PLPPR5: variants seen among roughly 807,000 people sequenced by gnomAD.
The protein encoded by PLPPR5 is phospholipid phosphatase-related protein type 5.
Under a neutral mutation model 33.9 loss-of-function variants are expected in PLPPR5, and 16 were observed. That is an observed-to-expected ratio of 0.47 (90% CI 0.32 to 0.72). The LOEUF (loss-of-function observed/expected upper bound fraction) is 0.72. Ranked by LOEUF, PLPPR5 falls within the 30% of genes least tolerant of loss-of-function variation. The pLI is 0.03. For synonymous variants in PLPPR5, 163 were observed against 150.3 expected (o/e 1.08, Z -0.62); for missense variants, 301 against 406.7 (o/e 0.74, Z 2.23).
At chr1:98,954,822 A>C (rs1343624172) in intron 2 of PLPPR5, among the ~76,000 whole-genome samples, 1 of 152,122 alleles carries the variant, frequency 6.6e-6, no homozygotes, top group Non-Finnish European at 1.5e-5. Flanking sequence ...CTGGCCAAGC[A>C]TGGGAACCTA....
chr1:99,004,246 G>C, intron 1 of PLPPR5, 189 bp downstream of exon 1: 1 of 580,908 alleles, frequency 1.7e-6, no homozygotes, highest in South Asian at 2.2e-5. Flanking sequence ...CGTGTGGGAA[G>C]AGCTGGGGGC....
chr1:98,933,482 CAA>C (rs66504258), intron 3 of PLPPR5, among the ~76,000 whole-genome samples: 17 of 89,296 alleles, frequency 1.9e-4, no homozygotes, highest in Admixed American at 5.1e-4. Context: ...GACTCCGTCT[CAA>C]AAAAAAAAAA....
rs1557669964 is a variant in PLPPR5, at chr1:98,922,011, C to T, written c.669G>A (p.Lys223=). ...TIKAKGTRLA[K]PVLCLGLMCL... Reference sequence around the variant, plus strand: ...ACATTAAGCCCAAGCATAGAACTGGCTTAGCAAGTCTGGTTCCCTTGGCTT... The same window carrying T: ...ACATTAAGCCCAAGCATAGAACTGGTTTAGCAAGTCTGGTTCCCTTGGCTT... The change falls in exon 4 of 6, where the codon AAG becomes AAA. Residue 223 remains lysine, a synonymous_variant. Transcript: ENST00000263177. 3 of 1,613,702 alleles carry T rather than the reference C, an allele frequency of 1.9e-6. No individual in the cohort carries two copies. The highest frequency in any genetic ancestry group is 2.5e-6 in the Non-Finnish European group (3 of 1,179,954).
At chr1:98,984,902 G>GA (rs771901585) in intron 1 of PLPPR5, among the ~76,000 whole-genome samples, 56 of 151,350 alleles carry the variant, frequency 3.7e-4, no homozygotes, top group Non-Finnish European at 7.1e-4. Context: ...AAGCTAAGTT[G>GA]AAAAAAAACT....
chr1:98,910,488 T>A (rs1329137446), intron 5 of PLPPR5, among the ~76,000 whole-genome samples: 1 of 152,214 alleles, frequency 6.6e-6, no homozygotes, highest in Non-Finnish European at 1.5e-5. Flanking sequence ...TATGGCATAT[T>A]TCTGGTCATA....
intron 1 of PLPPR5, among the ~76,000 whole-genome samples, chr1:99,001,849 T>G (rs1652863241): frequency 6.6e-6 from 1 of 151,608 alleles, no homozygotes; most frequent in African/African-American, 2.4e-5. Context: ...GGGAGAATTC[T>G]GGGTGTAACA....
At chr1:98,901,913 A>C (rs1648707683) in intron 5 of PLPPR5, among the ~76,000 whole-genome samples, 1 of 152,072 alleles carries the variant, frequency 6.6e-6, no homozygotes, top group Non-Finnish European at 1.5e-5. Flanking sequence ...TGGTTAGAGA[A>C]TTTATATGGA....
intron 1 of PLPPR5, among the ~76,000 whole-genome samples, chr1:98,995,659 C>A (rs1312823099): frequency 6.6e-6 from 1 of 152,014 alleles, no homozygotes; most frequent in African/African-American, 2.4e-5. Context: ...CTTGGGGACC[C>A]AGAATCCCAC....
At chr1:98,921,049 A>T (rs1649535236) in intron 4 of PLPPR5, among the ~76,000 whole-genome samples, 1 of 152,192 alleles carries the variant, frequency 6.6e-6, no homozygotes, top group Non-Finnish European at 1.5e-5. Flanking sequence ...AAACATCAGT[A>T]AGTATTTGGT....
At chr1:98,914,544 C>G (rs892339230) in intron 5 of PLPPR5, among the ~76,000 whole-genome samples, 5 of 152,104 alleles carry the variant, frequency 3.3e-5, no homozygotes, top group African/African-American at 4.8e-5. Context: ...GCCTTGGCCT[C>G]CCAAAGAGCT....
At chr1:98,970,995 A>T (rs886986962) in intron 1 of PLPPR5, among the ~76,000 whole-genome samples, 3 of 152,134 alleles carry the variant, frequency 2.0e-5, no homozygotes, top group African/African-American at 7.2e-5. Flanking sequence ...AGCGTAAAAA[A>T]TGCTTGATAA....
intron 1 of PLPPR5, among the ~76,000 whole-genome samples, chr1:98,986,036 G>C (rs1202659436): frequency 6.6e-6 from 1 of 151,958 alleles, no homozygotes; most frequent in African/African-American, 2.4e-5. Context: ...TTTGGAGAAT[G>C]TTAATGGGAT....
chr1:98,990,090 A>G (rs1349317585), intron 1 of PLPPR5, among the ~76,000 whole-genome samples: 6 of 152,192 alleles, frequency 3.9e-5, no homozygotes, highest in African/African-American at 1.4e-4. Flanking sequence ...TGATAAAGAA[A>G]GAGCAGGCCA....
intron 5 of PLPPR5, among the ~76,000 whole-genome samples, chr1:98,903,933 T>A (rs540049558): frequency 2.6e-5 from 4 of 152,316 alleles, no homozygotes; most frequent in African/African-American, 9.6e-5. Flanking sequence ...TGTAATCTTA[T>A]AAAATCTACA....
At chr1:98,910,640 G>A (rs762026199) in intron 5 of PLPPR5, among the ~76,000 whole-genome samples, 16 of 152,118 alleles carry the variant, frequency 1.1e-4, no homozygotes, top group Non-Finnish European at 2.2e-4. Context: ...GTTCAGGGTA[G>A]CAGATGGCCA....
rs1216016938 is a variant in PLPPR5 at position 98,891,005 on chromosome 1, A to G, written c.*2067T>C. 1 of 152,156 alleles carries G rather than the reference A, an allele frequency of 6.6e-6. No individual in the cohort carries two copies. The highest frequency in any genetic ancestry group is 6.6e-5 in the Admixed American group (1 of 15,256). The allele number at this position is 152,156 out of a possible 1,614,324, so 9.4% of individuals were successfully genotyped here. ...TGCTTGGAAGTCTGATGTAGAATCA[A>G]TAGAACTGATAGAAGTCTGGAAGCC... On this transcript the variant is annotated 3_prime_UTR_variant, in exon 6 of 6. Coordinates refer to ENST00000263177, the MANE Select transcript of PLPPR5 (RefSeq NM_001037317.2).
intron 3 of PLPPR5, among the ~76,000 whole-genome samples, chr1:98,931,088 T>C (rs74108789): frequency 0.019 from 2,934 of 152,294 alleles, 113 homozygotes; most frequent in African/African-American, 0.068. Flanking sequence ...ATCCTCAGCC[T>C]TAGTCTCAGC....
intron 5 of PLPPR5, among the ~76,000 whole-genome samples, chr1:98,898,225 G>A (rs995234526): frequency 6.6e-6 from 1 of 152,104 alleles, no homozygotes; most frequent in African/African-American, 2.4e-5. Flanking sequence ...GATGCTGCTT[G>A]TGTAACCAAA....
chr1:98,977,164 G>A (rs1651892901), intron 1 of PLPPR5, among the ~76,000 whole-genome samples: 1 of 152,018 alleles, frequency 6.6e-6, no homozygotes, highest in African/African-American at 2.4e-5. Flanking sequence ...ATATGATGGA[G>A]ACTCCACCAG....
Sources: gnomAD v4.1 joint callset for allele counts (sites outside exome capture counted in the v4.1 genomes callset) on GRCh38, gnomAD v4.1.1 for gene constraint, MANE v1.5 for transcripts, NCBI Gene and HGNC (gene_info 2026-07-23, HGNC 2026-07-21) for gene names.